ITGA2: variants seen among roughly 807,000 people sequenced by gnomAD.
ITGA2 encodes the protein integrin alpha-2.
A neutral mutation model predicts 146.3 loss-of-function variants in ITGA2; 101 were observed. The ratio of observed to expected loss-of-function variants is 0.69; its 90% CI spans 0.59 to 0.81. ITGA2 has a LOEUF of 0.81. ITGA2 is among the 40% of genes least tolerant of loss of function. The pLI is 0.00. For missense variants in ITGA2, 1,281 were observed against 1,402.7 expected (o/e 0.91, Z 1.39); for synonymous variants, 477 against 487.1 (o/e 0.98, Z 0.27).
At chr5:53,083,778 G>A (rs1437188098) in intron 27 of ITGA2, among the ~76,000 whole-genome samples, 1 of 152,098 alleles carries the variant, frequency 6.6e-6, no homozygotes, top group Non-Finnish European at 1.5e-5. Flanking sequence ...TCCCCCTCTA[G>A]GGGTTCCTCC....
chr5:53,028,675 C>T (rs116044652), intron 2 of ITGA2, among the ~76,000 whole-genome samples: 1,831 of 152,286 alleles, frequency 0.012, 37 homozygotes, highest in African/African-American at 0.04. Flanking sequence ...GCCCAGTAGA[C>T]ATACCAAACT....
intron 1 of ITGA2, among the ~76,000 whole-genome samples, chr5:52,992,850 C>T (rs957042609): frequency 1.3e-5 from 2 of 152,084 alleles, no homozygotes; most frequent in African/African-American, 4.8e-5. Context: ...TTCTACCTAT[C>T]CAATCTTTTC....
At position 53,092,391 on chromosome 5, in the gene ITGA2, A is replaced by G. The variant is rs537496412; in HGVS notation, c.*1792A>G. 7 of 152,302 alleles carry G rather than the reference A, an allele frequency of 4.6e-5. No homozygotes were observed. The South Asian group carries it at 1.5e-3, about 32-fold the overall frequency. The allele number at this position is 152,302 out of a possible 1,614,324, so 9.4% of individuals were successfully genotyped here. ...TCAAAGGAAAACAGGTTATCTGCCCATGTGCATATGGACAACCTTGACTAC... is the reference window on the plus strand; with the variant it reads ...TCAAAGGAAAACAGGTTATCTGCCCGTGTGCATATGGACAACCTTGACTAC... On this transcript the variant is annotated 3_prime_UTR_variant, in exon 30 of 30. Coordinates refer to ENST00000296585, the MANE Select transcript of ITGA2 (RefSeq NM_002203.4).
At chr5:53,027,143 T>C (rs566375655) in intron 2 of ITGA2, among the ~76,000 whole-genome samples, 49 of 146,228 alleles carry the variant, frequency 3.4e-4, no homozygotes, top group African/African-American at 3.4e-4. Context: ...AATACATAGG[T>C]AGGTAGATTG....
At chr5:53,079,702 A>G (rs1367236824) in intron 24 of ITGA2, among the ~76,000 whole-genome samples, 2 of 152,112 alleles carry the variant, frequency 1.3e-5, no homozygotes, top group African/African-American at 4.8e-5. Flanking sequence ...AATTTATAAA[A>G]TGTGGATGGT....
Position 52,989,357 on chromosome 5 carries a change from AG to A in ITGA2, c.-111del, listed in dbSNP as rs1253103802. On this transcript the variant is annotated 5_prime_UTR_variant, in exon 1 of 30. Transcript: ENST00000296585. Reference sequence around the variant, plus strand: ...CTGCTCTCACCGGGCGGGGGAGAGAAGCCCTCTGGACAGCTTCTAGAGTGTG... The same window carrying A: ...CTGCTCTCACCGGGCGGGGGAGAGAACCCTCTGGACAGCTTCTAGAGTGTG... 7.4e-5 allele frequency: 84 copies of A among 1,131,936 alleles called. No individual in the cohort carries two copies. Among genetic ancestry groups the A allele is most frequent in the Non-Finnish European group, 1.1e-4 (81 of 749,554 alleles). The allele number at this position is 1,131,936 out of a possible 1,614,324, so 70.1% of individuals were successfully genotyped here.
intron 16 of ITGA2, among the ~76,000 whole-genome samples, chr5:53,067,903 T>C (rs1745217575): frequency 6.6e-6 from 1 of 151,886 alleles, no homozygotes; most frequent in African/African-American, 2.4e-5. Context: ...AGGTCCTGCC[T>C]CCTCTTCAAA....
chr5:53,076,836 C>T (rs1003466384), intron 23 of ITGA2, among the ~76,000 whole-genome samples: 2 of 151,866 alleles, frequency 1.3e-5, no homozygotes, highest in Admixed American at 1.3e-4. Context: ...AAAAAATTAA[C>T]GTAGGGAATT....
intron 2 of ITGA2, among the ~76,000 whole-genome samples, chr5:53,040,107 G>A (rs891786363): frequency 7.9e-5 from 12 of 152,172 alleles, no homozygotes; most frequent in Admixed American, 5.9e-4. Context: ...TCAAACTAAT[G>A]AGTAGACATT....
At position 53,060,432 on chromosome 5, in the gene ITGA2, C is replaced by G. The variant is rs189554856; in HGVS notation, c.1312+420C>G. Among the ~76,000 whole-genome samples the G allele has an allele frequency of 5.4e-3, 822 of 152,008 alleles. 3 individuals are homozygous for G. Among genetic ancestry groups the G allele is most frequent in the Non-Finnish European group, 8.5e-3 (576 of 67,898 alleles). On this transcript the variant is annotated intron_variant, in intron 11 of 29. Coordinates refer to ENST00000296585, the MANE Select transcript of ITGA2 (RefSeq NM_002203.4). ...TATCTACATAAACATTTAAATCTTT[C>G]CAACAAGTCTTTCAGGGATGTTTTG...
chr5:53,016,912 A>C (rs909524324), intron 1 of ITGA2, among the ~76,000 whole-genome samples: 3 of 152,130 alleles, frequency 2.0e-5, no homozygotes, highest in African/African-American at 7.2e-5. Context: ...AAATTCTTGA[A>C]GTGAGTATTT....
chr5:53,044,240 A>C (rs1743954468), intron 3 of ITGA2, among the ~76,000 whole-genome samples: 1 of 123,840 alleles, frequency 8.1e-6, no homozygotes. Context: ...GCTCCACTGC[A>C]CTCCAGCCTG....
chr5:53,041,072 C>T (rs1340642139), intron 2 of ITGA2, among the ~76,000 whole-genome samples: 1 of 151,872 alleles, frequency 6.6e-6, no homozygotes, highest in East Asian at 1.9e-4. Flanking sequence ...ACAGAAGGCT[C>T]ATGAAATAAT....
Position 53,092,901 on chromosome 5 carries a change from A to T in ITGA2, c.*2302A>T, listed in dbSNP as rs1305169266. On this transcript the variant is annotated 3_prime_UTR_variant, in exon 30 of 30. Transcript: ENST00000296585. ...GAGGCCGGTGGATCACGAGGTCAGG[A>T]GTTTGAGACTAGCCTGGCCAACATG... The T allele has an allele frequency of 6.6e-6, 1 of 152,224 alleles. No homozygotes were observed. Among genetic ancestry groups the T allele is most frequent in the Admixed American group, 6.5e-5 (1 of 15,278 alleles). 9.4% of individuals were successfully genotyped at this position (152,224 alleles called of 1,614,324 possible).
chr5:53,004,098 T>A (rs1485596665), intron 1 of ITGA2, among the ~76,000 whole-genome samples: 1 of 152,104 alleles, frequency 6.6e-6, no homozygotes, highest in Non-Finnish European at 1.5e-5. Flanking sequence ...CCACTAGATG[T>A]TAATAGCAAT....
intron 1 of ITGA2, among the ~76,000 whole-genome samples, chr5:53,007,300 GT>G (rs1300092828): frequency 1.3e-5 from 2 of 152,080 alleles, no homozygotes; most frequent in East Asian, 3.9e-4. Flanking sequence ...GGCTAGGATG[GT>G]CAGAAAAGAC....
At chr5:53,015,909 C>G (rs1742380242) in intron 1 of ITGA2, among the ~76,000 whole-genome samples, 1 of 150,520 alleles carries the variant, frequency 6.6e-6, no homozygotes, top group Non-Finnish European at 1.5e-5. Context: ...ATAGCAGCCT[C>G]TGCTTTTTTC....
At chr5:53,021,211 AC>A (rs1475527719) in intron 1 of ITGA2, among the ~76,000 whole-genome samples, 2 of 152,022 alleles carry the variant, frequency 1.3e-5, no homozygotes, top group Admixed American at 6.6e-5. Context: ...TTTATATGCT[AC>A]CATTTGCATA....
At chr5:52,995,053 T>C (rs1741167497) in intron 1 of ITGA2, among the ~76,000 whole-genome samples, 1 of 152,194 alleles carries the variant, frequency 6.6e-6, no homozygotes, top group Admixed American at 6.5e-5. Context: ...AGGACTCGTC[T>C]CCTAGTTCCT....
Sources: allele counts gnomAD v4.1 joint callset (sites outside exome capture counted in the v4.1 genomes callset), GRCh38; gene constraint gnomAD v4.1.1; transcripts MANE v1.5; gene names NCBI Gene and HGNC (gene_info 2026-07-23, HGNC 2026-07-21).